HECTD4: variants seen among roughly 807,000 people sequenced by gnomAD.
HECTD4 encodes the protein HECT domain E3 ubiquitin protein ligase 4.
In HECTD4, 114 loss-of-function variants were observed where a neutral mutation model predicts 471.5. The observed-to-expected ratio is 0.24, with a 90% CI of 0.21 to 0.28. The LOEUF (loss-of-function observed/expected upper bound fraction) is 0.28. Ranked by LOEUF, HECTD4 falls within the 10% of genes least tolerant of loss-of-function variation. The pLI is 1.00. For synonymous variants in HECTD4, 2,012 were observed against 2,256.0 expected (o/e 0.89, Z 3.07); for missense variants, 3,866 against 5,651.5 (o/e 0.68, Z 10.13).
chr12:112,374,344 A>T (rs933370756), intron 1 of HECTD4, among the ~76,000 whole-genome samples: 1 of 152,186 alleles, frequency 6.6e-6, no homozygotes, highest in Non-Finnish European at 1.5e-5. Flanking sequence ...TGTTTAAAAA[A>T]AGGTATGGAA....
At position 112,167,487 on chromosome 12, in the gene HECTD4, G is replaced by A. The variant is rs752492979; in HGVS notation, c.12364C>T (p.Leu4122=). The change falls in exon 72 of 76, where the codon CTG becomes TTG. Residue 4122 remains leucine (L), a synonymous_variant. Coordinates refer to ENST00000682272, the MANE Select transcript of HECTD4 (RefSeq NM_001388303.1). ...SPITYGEEQL[L]HFLGQLLGIA... ...CCCAGCAGCTGCCCCAGGAAGTGCA[G>A]CAGCTGCTCCTCCCCGTAGGTGATG... 1.2e-6 allele frequency: 2 copies of A among 1,611,424 alleles called. No homozygotes were observed. The highest frequency in any genetic ancestry group is 1.7e-6 in the Non-Finnish European group (2 of 1,178,256).
At chr12:112,192,146 G>C (rs906937025) in intron 59 of HECTD4, among the ~76,000 whole-genome samples, 1 of 152,188 alleles carries the variant, frequency 6.6e-6, no homozygotes, top group Non-Finnish European at 1.5e-5. Context: ...GTTAGTTGAG[G>C]AGCAGACTCT....
chr12:112,278,513 C>T (rs886673475), intron 9 of HECTD4, among the ~76,000 whole-genome samples: 4 of 152,170 alleles, frequency 2.6e-5, no homozygotes, highest in Admixed American at 6.6e-5. Flanking sequence ...CACATTTTTA[C>T]ACATTTGCTT....
intron 13 of HECTD4, 108 bp downstream of exon 13, chr12:112,269,596 G>T: frequency 1.7e-6 from 2 of 1,179,962 alleles, no homozygotes; most frequent in South Asian, 1.5e-5. Context: ...GGTCCCAATT[G>T]TGGGATGGGG....
At chr12:112,212,466 T>C in intron 49 of HECTD4, 21 bp downstream of exon 49, 1 of 1,595,244 alleles carries the variant, frequency 6.3e-7, no homozygotes, top group Non-Finnish European at 8.6e-7. Context: ...TTTGTTTTCC[T>C]TTCCCAACAA....
chr12:112,336,699 A>C (rs933473576), intron 1 of HECTD4, among the ~76,000 whole-genome samples: 3 of 152,158 alleles, frequency 2.0e-5, no homozygotes, highest in Admixed American at 6.5e-5. Context: ...GATAACATGT[A>C]ATGGATTTAC....
At chr12:112,266,541 T>C (rs2034275648) in intron 14 of HECTD4, among the ~76,000 whole-genome samples, 3 of 152,326 alleles carry the variant, frequency 2.0e-5, no homozygotes, top group South Asian at 2.1e-4. Context: ...AGTGCAGTTG[T>C]GTCATAACAG....
chr12:112,304,985 A>T (rs558696239), intron 7 of HECTD4, among the ~76,000 whole-genome samples: 1 of 152,338 alleles, frequency 6.6e-6, no homozygotes, highest in African/African-American at 2.4e-5. Flanking sequence ...AGGAGACTGT[A>T]AATTACCTCA....
intron 55 of HECTD4, among the ~76,000 whole-genome samples, chr12:112,197,016 G>A (rs957803959): frequency 4.6e-5 from 7 of 151,800 alleles, no homozygotes; most frequent in African/African-American, 1.5e-4. Flanking sequence ...GGCTGGTCTC[G>A]AACTCCTCAC....
chr12:112,217,076 G>A lies in HECTD4; in HGVS notation c.7194C>T (p.Pro2398=), dbSNP rs1300141435. ...AAGTGGCATAGATAAAAGTGCCCCG[G>A]GGCAGGCCTCCCCCAGCGCTGGGGT... ...LADPSAGGGL[P]RGTFIYATSP... The change falls in exon 46 of 76, where the codon CCC becomes CCT. Residue 2398 remains proline, a synonymous_variant. Transcript: ENST00000682272. 6.3e-7 allele frequency: 1 copy of A among 1,586,418 alleles called. No homozygotes were observed. Among genetic ancestry groups the A allele is most frequent in the Non-Finnish European group, 8.6e-7 (1 of 1,165,980 alleles).
At chr12:112,219,284 G>C (rs190253434) in intron 45 of HECTD4, 102 bp downstream of exon 45, 1 of 726,010 alleles carries the variant, frequency 1.4e-6, no homozygotes, top group South Asian at 2.3e-5. Context: ...CCTCCAAACG[G>C]CTTTGCAAAC....
chr12:112,191,311 C>T (rs1158679217), intron 59 of HECTD4, among the ~76,000 whole-genome samples: 2 of 152,190 alleles, frequency 1.3e-5, no homozygotes, highest in Non-Finnish European at 2.9e-5. Flanking sequence ...TGGGATATTC[C>T]CAGCTTGGTA....
intron 3 of HECTD4, among the ~76,000 whole-genome samples, chr12:112,313,962 A>G (rs1014741997): frequency 6.6e-6 from 1 of 152,202 alleles, no homozygotes; most frequent in Non-Finnish European, 1.5e-5. Context: ...TAATGAGATT[A>G]TGAATGATTT....
intron 23 of HECTD4, among the ~76,000 whole-genome samples, chr12:112,251,470 T>A (rs767710769): frequency 1.1e-4 from 16 of 152,244 alleles, no homozygotes; most frequent in Non-Finnish European, 1.8e-4. Flanking sequence ...AATCACTATT[T>A]TGTTTTTTCA....
At chr12:112,219,763 T>C (rs187832685) in intron 44 of HECTD4, among the ~76,000 whole-genome samples, 162 of 150,762 alleles carry the variant, frequency 1.1e-3, no homozygotes, top group Non-Finnish European at 1.7e-3. Flanking sequence ...CCGCGCCCGG[T>C]TAATTTTTGT....
Position 112,250,347 on chromosome 12 carries a change from C to T in HECTD4, c.3747G>A (p.Val1249=). 6.2e-7 allele frequency: 1 copy of T among 1,613,712 alleles called. No homozygotes were observed. The highest frequency in any genetic ancestry group is 8.5e-7 in the Non-Finnish European group (1 of 1,179,772). Reference sequence around the variant, plus strand: ...GGCTCGGAGTAAGGGCAGGGGAGATCACGCCATTGGCCTCCACCTGCCACT... The same window carrying T: ...GGCTCGGAGTAAGGGCAGGGGAGATTACGCCATTGGCCTCCACCTGCCACT... The part of the protein sequence containing the change: ...RCQWQVEANG[V]ISPALTPSPS... The change falls in exon 25 of 76, where the codon GTG becomes GTA. Residue 1249 remains valine (V), a synonymous_variant. Transcript: ENST00000682272.
intron 1 of HECTD4, among the ~76,000 whole-genome samples, chr12:112,346,282 A>G (rs1344929391): frequency 6.6e-6 from 1 of 152,200 alleles, no homozygotes; most frequent in Non-Finnish European, 1.5e-5. Context: ...AGCACTGGTG[A>G]AAAAATCATA....
chr12:112,259,664 TA>T, intron 18 of HECTD4, among the ~76,000 whole-genome samples: 1 of 152,018 alleles, frequency 6.6e-6, no homozygotes. Context: ...GGATTACAGG[TA>T]TGAACTACTT....
intron 64 of HECTD4, among the ~76,000 whole-genome samples, chr12:112,178,393 T>C (rs1382223614): frequency 6.6e-6 from 1 of 152,236 alleles, no homozygotes; most frequent in East Asian, 1.9e-4. Context: ...AAAGAAAATA[T>C]AGAACATTTT....
Sources: gnomAD v4.1 joint callset for allele counts (sites outside exome capture counted in the v4.1 genomes callset) on GRCh38, gnomAD v4.1.1 for gene constraint, MANE v1.5 for transcripts, NCBI Gene and HGNC (gene_info 2026-07-23, HGNC 2026-07-21) for gene names.